SCAPER: variants seen among roughly 807,000 people sequenced by gnomAD.
SCAPER encodes S-phase cyclin A associated protein in the ER.
Under a neutral mutation model 182.2 loss-of-function variants are expected in SCAPER, and 98 were observed. The ratio of observed to expected loss-of-function variants is 0.54; its 90% CI spans 0.46 to 0.64. The LOEUF (loss-of-function observed/expected upper bound fraction) is 0.64. Ranked by LOEUF, SCAPER falls within the 30% of genes least tolerant of loss-of-function variation. The probability of loss-of-function intolerance (pLI) is 0.00; values close to 1 mark genes in which losing one functional copy is unlikely to be tolerated. For synonymous variants in SCAPER, 605 were observed against 564.6 expected, an observed-to-expected ratio of 1.07 and a Z score of -1.01; for missense variants, 1,432 against 1,690.0, an observed-to-expected ratio of 0.85 and a Z score of 2.68.
At chr15:76,766,858 G>C in intron 11 of SCAPER, 60 bp downstream of exon 11, 1 of 1,414,904 alleles carries the variant, frequency 7.1e-7, no homozygotes, top group Non-Finnish European at 9.5e-7. Flanking sequence ...TTCTGGCCCA[G>C]ATAATTTTGT....
rs538750020 is a variant in SCAPER, at chr15:76,780,398, C to T, written c.773-5281G>A. Among the ~76,000 whole-genome samples, 4 of 152,358 alleles carry T rather than the reference C, an allele frequency of 2.6e-5. No individual in the cohort carries two copies. In the South Asian group the frequency reaches 6.2e-4, roughly 24 times the overall value. ...GGAAGCTCGAACCAGGTGGAGACCA[C>T]AGCAGCTCAGCAAGGCCTACTGCCT... On this transcript the variant is annotated intron_variant, in intron 8 of 31. Coordinates refer to ENST00000563290, the MANE Select transcript of SCAPER (RefSeq NM_020843.4).
intron 15 of SCAPER, among the ~76,000 whole-genome samples, chr15:76,734,593 G>A (rs1381309540): frequency 6.6e-6 from 1 of 152,086 alleles, no homozygotes; most frequent in Non-Finnish European, 1.5e-5. Context: ...CAAAATACAA[G>A]ATAGGCCAGG....
At chr15:76,688,778 G>A (rs1026811576) in intron 20 of SCAPER, among the ~76,000 whole-genome samples, 2 of 150,912 alleles carry the variant, frequency 1.3e-5, no homozygotes, top group African/African-American at 2.4e-5. Flanking sequence ...CTGTTCCATT[G>A]GTCTATATAT....
At chr15:76,790,575 T>G (rs1216042524) in intron 8 of SCAPER, among the ~76,000 whole-genome samples, 1 of 152,188 alleles carries the variant, frequency 6.6e-6, no homozygotes, top group East Asian at 1.9e-4. Flanking sequence ...CCAAATTTAG[T>G]ATATAATACT....
At chr15:76,458,097 T>C (rs564654803) in intron 25 of SCAPER, among the ~76,000 whole-genome samples, 47 of 152,314 alleles carry the variant, frequency 3.1e-4, no homozygotes, top group African/African-American at 1.1e-3. Flanking sequence ...AGATGGTCAC[T>C]GTCTTCTGGC....
At chr15:76,800,629 T>A (rs527791178) in intron 6 of SCAPER, among the ~76,000 whole-genome samples, 1 of 152,196 alleles carries the variant, frequency 6.6e-6, no homozygotes, top group Non-Finnish European at 1.5e-5. Flanking sequence ...CTCAAAAAGG[T>A]CATGGGGTTA....
intron 2 of SCAPER, among the ~76,000 whole-genome samples, chr15:76,870,430 C>A (rs946876609): frequency 1.3e-5 from 2 of 148,430 alleles, no homozygotes; most frequent in Non-Finnish European, 1.5e-5. Flanking sequence ...GACTAAAAAC[C>A]AAGAAAAAAT....
intron 22 of SCAPER, chr15:76,576,757 T>C (rs772760610): frequency 6.6e-6 from 1 of 152,154 alleles, no homozygotes; most frequent in South Asian, 2.1e-4. Context: ...GGAAGCACAG[T>C]GGCAGTGAGA....
intron 4 of SCAPER, among the ~76,000 whole-genome samples, chr15:76,848,371 C>T (rs2070355670): frequency 6.8e-6 from 1 of 146,300 alleles, no homozygotes; most frequent in Non-Finnish European, 1.5e-5. Context: ...CTCTGTCGCC[C>T]AGGCTGGAGT....
rs2145786904 is a variant in SCAPER, at chr15:76,600,920, CTA to C, written c.2711+20842_2711+20843del. ...AAAACAGAAAACAAAAAGATCGAAT[CTA>C]TACATTTTAAAGCAATTTTTGGAAA... On this transcript the variant is annotated intron_variant, in intron 22 of 31. Coordinates refer to ENST00000563290, the MANE Select transcript of SCAPER (RefSeq NM_020843.4). Among the ~76,000 whole-genome samples the C allele has an allele frequency of 1.7e-5, 2 of 120,932 alleles. 1 individual carries two copies. Among genetic ancestry groups the C allele is most frequent in the South Asian group, 5.0e-4 (2 of 3,972 alleles). 79.3% of individuals were successfully genotyped at this position (120,932 alleles called of 152,430 possible). A position where few individuals can be genotyped will look rare whatever the true frequency, so the allele number is the denominator to read the frequency against.
Position 76,353,953 on chromosome 15 carries a change from A to G in SCAPER, c.4043T>C (p.Ile1348Thr). Residue 1348 changes from isoleucine (I) to threonine (T), a missense_variant, in exon 30 of 32, where the codon ATT (isoleucine) becomes ACT (threonine). Coordinates refer to ENST00000563290, the MANE Select transcript of SCAPER (RefSeq NM_020843.4). ...TACGTATAATGTAGAAGGTACCTGA[A>G]TGAAAGTGGCCAGTAAAACACAGCT... Reference protein sequence around the residue: ...EMSCVLLATFIQDLAQTPGQA... With the variant: ...EMSCVLLATFTQDLAQTPGQA... 1 of 1,566,074 alleles carries G rather than the reference A, an allele frequency of 6.4e-7. No homozygotes were observed. Among genetic ancestry groups the G allele is most frequent in the Non-Finnish European group, 8.6e-7 (1 of 1,162,056 alleles).
At chr15:76,612,821 A>C (rs1165759535) in intron 22 of SCAPER, among the ~76,000 whole-genome samples, 1 of 152,224 alleles carries the variant, frequency 6.6e-6, no homozygotes, top group Non-Finnish European at 1.5e-5. Context: ...AGGAAGACTC[A>C]ATATCATTAA....
At chr15:76,566,676 T>G (rs2047058592) in intron 23 of SCAPER, among the ~76,000 whole-genome samples, 1 of 152,102 alleles carries the variant, frequency 6.6e-6, no homozygotes, top group African/African-American at 2.4e-5. Context: ...AGGAAAATAC[T>G]TTTGCACATG....
intron 20 of SCAPER, among the ~76,000 whole-genome samples, chr15:76,691,243 AAAATT>A (rs1341074284): frequency 1.3e-5 from 2 of 152,194 alleles, no homozygotes; most frequent in Admixed American, 1.3e-4. Flanking sequence ...AAAAATTATT[AAAATT>A]AAATTATTAA....
At chr15:76,519,890 C>T (rs1180391176) in intron 23 of SCAPER, among the ~76,000 whole-genome samples, 1 of 152,150 alleles carries the variant, frequency 6.6e-6, no homozygotes, top group Non-Finnish European at 1.5e-5. Context: ...CTAGGCTTCA[C>T]ATTTCATTTC....
intron 26 of SCAPER, among the ~76,000 whole-genome samples, chr15:76,404,888 C>T (rs2044714930): frequency 6.6e-6 from 1 of 151,966 alleles, no homozygotes; most frequent in Non-Finnish European, 1.5e-5. Context: ...TCTCTTCTTT[C>T]TTTTGGTTAT....
intron 17 of SCAPER, among the ~76,000 whole-genome samples, chr15:76,722,685 T>A (rs1201827420): frequency 1.3e-5 from 2 of 152,220 alleles, no homozygotes; most frequent in African/African-American, 4.8e-5. Context: ...AATTTATCCA[T>A]TTCTTCTAGA....
At chr15:76,833,381 TAAACATGAAAATGA>T (rs1286431676) in intron 5 of SCAPER, among the ~76,000 whole-genome samples, 2 of 152,066 alleles carry the variant, frequency 1.3e-5, no homozygotes, top group African/African-American at 4.8e-5. Flanking sequence ...AAGGGAGTGC[TAAACATGAAAATGA>T]AAAAACAATA....
chr15:76,829,980 A>G (rs2068314092), intron 5 of SCAPER, among the ~76,000 whole-genome samples: 1 of 152,238 alleles, frequency 6.6e-6, no homozygotes, highest in South Asian at 2.1e-4. Flanking sequence ...CATATACACT[A>G]TAAGAGCATA....
Sources: gnomAD v4.1 joint callset for allele counts (sites outside exome capture counted in the v4.1 genomes callset) on GRCh38, gnomAD v4.1.1 for gene constraint, MANE v1.5 for transcripts, NCBI Gene and HGNC (gene_info 2026-07-23, HGNC 2026-07-21) for gene names.